The following FPGT variants were observed in gnomAD, a reference collection of about 807,000 sequenced individuals.
FPGT encodes fucose-1-phosphate guanylyltransferase, also known as GDP-L-fucose diphosphorylase.
A neutral mutation model predicts 45.8 loss-of-function variants in FPGT; 41 were observed. The observed-to-expected ratio is 0.90, with a 90% CI of 0.70 to 1.16. The LOEUF is 1.16. FPGT is among the 50% of genes most tolerant of loss of function. The pLI, the probability that FPGT is intolerant of heterozygous loss-of-function variation, is 0.00. For missense variants in FPGT, 755 were observed against 689.1 expected (o/e 1.10, Z -1.07); for synonymous variants, 292 against 247.2 (o/e 1.18, Z -1.70).
chr1:74,202,433 T>C (rs1386308289), intron 3 of FPGT, among the ~76,000 whole-genome samples: 1 of 152,188 alleles, frequency 6.6e-6, no homozygotes, highest in Non-Finnish European at 1.5e-5. Context: ...AATTTACAAT[T>C]TTATTTAAGA....
Position 74,205,415 on chromosome 1 carries a change from A to C in FPGT, c.1368A>C (p.Leu456Phe). Residue 456 changes from leucine (L) to phenylalanine (F), a missense_variant, in exon 4 of 4, where the codon TTA becomes TTC. Leu to Phe is a conservative substitution (Grantham distance 22, BLOSUM62 0). Coordinates refer to ENST00000370898, the MANE Select transcript of FPGT (RefSeq NM_003838.5). ...ALPAHSFVCSLSLKMNRCLKY... is the reference protein window; with the variant it reads ...ALPAHSFVCSFSLKMNRCLKY... ...CCGCACATTCTTTTGTATGTTCCTTAAGCTTAAAGATGAATAGATGCTTAA... is the reference window on the plus strand; with the variant it reads ...CCGCACATTCTTTTGTATGTTCCTTCAGCTTAAAGATGAATAGATGCTTAA... 1 of 1,613,940 alleles carries C rather than the reference A, an allele frequency of 6.2e-7. No homozygotes were observed. The highest frequency in any genetic ancestry group is 8.5e-7 in the Non-Finnish European group (1 of 1,179,816).
intron 2 of FPGT, among the ~76,000 whole-genome samples, chr1:74,201,026 A>G (rs1401522915): frequency 2.0e-5 from 3 of 152,202 alleles, no homozygotes; most frequent in Non-Finnish European, 4.4e-5. Flanking sequence ...TTCTAGTGTT[A>G]CAGATTGTGT....
At chr1:74,200,368 T>G (rs943317531) in intron 2 of FPGT, among the ~76,000 whole-genome samples, 2 of 152,312 alleles carry the variant, frequency 1.3e-5, no homozygotes, top group Non-Finnish European at 2.9e-5. Context: ...TATGTGATAC[T>G]TAAAGTTGAA....
chr1:74,198,468 G>T, intron 1 of FPGT, 108 bp downstream of exon 1: 1 of 1,459,102 alleles, frequency 6.9e-7, no homozygotes, highest in Non-Finnish European at 9.4e-7. Context: ...TCATCTGTAG[G>T]CCTATGACGC....
chr1:74,205,355 T>C lies in FPGT; in HGVS notation c.1308T>C (p.Ile436=). The C allele has an allele frequency of 1.2e-6, 2 of 1,614,166 alleles. No individual in the cohort carries two copies. The highest frequency in any genetic ancestry group is 1.7e-6 in the Non-Finnish European group (2 of 1,180,002). ...TTTCAGTTGGGGAAAACTGCATTATTAGTGGTTCTTACATCCTAACAAAAG... is the reference window on the plus strand; with the variant it reads ...TTTCAGTTGGGGAAAACTGCATTATCAGTGGTTCTTACATCCTAACAAAAG... The part of the protein sequence containing the change: ...PDVSVGENCI[I]SGSYILTKAA... The change falls in exon 4 of 4, where the codon ATT becomes ATC. Residue 436 remains isoleucine (I), a synonymous_variant. Transcript: ENST00000370898.
Position 74,199,749 on chromosome 1 carries a change from G to C in FPGT, c.168G>C (p.Gln56His). Residue 56 changes from glutamine (Q) to histidine (H), a missense_variant, in exon 2 of 4, where the codon CAG becomes CAC. Physicochemically the swap from Gln to His is conservative, Grantham distance 24. Coordinates refer to ENST00000370898, the MANE Select transcript of FPGT (RefSeq NM_003838.5). ...AACAGGAACTTGCTTACAACCAACA[G>C]CTGTCAGAAAAGCTGAAAAGAAAGG... ...DEKQELAYNQ[Q>H]LSEKLKRKEL... 1 of 1,614,118 alleles carries C rather than the reference G, an allele frequency of 6.2e-7. No homozygotes were observed. The highest frequency in any genetic ancestry group is 1.7e-5 in the Admixed American group (1 of 60,018).
At chr1:74,199,908 C>T in intron 2 of FPGT, 77 bp downstream of exon 2, 1 of 1,512,852 alleles carries the variant, frequency 6.6e-7, no homozygotes, top group Non-Finnish European at 8.9e-7. Flanking sequence ...CTGTGACTTA[C>T]AGTGTATAAG....
chr1:74,198,924 A>G (rs1358576977), intron 1 of FPGT, among the ~76,000 whole-genome samples: 2 of 152,266 alleles, frequency 1.3e-5, no homozygotes, highest in Non-Finnish European at 2.9e-5. Flanking sequence ...TGCTTAAAAA[A>G]TACTGGGACT....
Position 74,204,806 on chromosome 1 carries a change from T to G in FPGT, c.759T>G (p.Phe253Leu), listed in dbSNP as rs748147219. ...CRPGNFCQQDFAGGDIADLKL... is the reference protein window; with the variant it reads ...CRPGNFCQQDLAGGDIADLKL... ...CTGGAAATTTTTGTCAACAGGACTT[T>G]GCTGGGGGTGACATTGCCGATCTTA... Residue 253 changes from phenylalanine to leucine, a missense_variant, in exon 4 of 4, where the codon TTT becomes TTG. Phe to Leu is a conservative substitution (Grantham distance 22). Transcript: ENST00000370898. The G allele has an allele frequency of 6.2e-7, 1 of 1,613,794 alleles. No individual in the cohort carries two copies. Among genetic ancestry groups the G allele is most frequent in the Non-Finnish European group, 8.5e-7 (1 of 1,179,934 alleles).
At position 74,204,877 on chromosome 1, in the gene FPGT, A is replaced by C. The variant is rs1301945379; in HGVS notation, c.830A>C (p.Asp277Ala). 5 of 1,613,660 alleles carry C rather than the reference A, an allele frequency of 3.1e-6. No homozygotes were observed. The highest frequency in any genetic ancestry group is 3.4e-6 in the Non-Finnish European group (4 of 1,179,954). The stretch of plus-strand genomic sequence containing the variant: ...TACACAGATAGCCTATTTTATATGG[A>C]TCATAAATCAGCAAAAATGTTACTT... ...YVYTDSLFYM[D>A]HKSAKMLLAF... Residue 277 changes from aspartate (D) to alanine (A), a missense_variant, in exon 4 of 4, where the codon GAT becomes GCT. By Grantham distance (126) the Asp-to-Ala change is moderately radical. Transcript: ENST00000370898.
At chr1:74,203,290 C>G (rs1651964362) in intron 3 of FPGT, among the ~76,000 whole-genome samples, 1 of 152,076 alleles carries the variant, frequency 6.6e-6, no homozygotes, top group Non-Finnish European at 1.5e-5. Context: ...ATGGGACAAC[C>G]TATGTATATG....
chr1:74,200,450 A>G (rs1252908897), intron 2 of FPGT, among the ~76,000 whole-genome samples: 18 of 152,024 alleles, frequency 1.2e-4, no homozygotes, highest in Admixed American at 1.2e-3. Flanking sequence ...TAATTAGCCA[A>G]CATTATTTTA....
In FPGT at chr1:74,205,295, C is replaced by T. The variant is rs1212308496; in HGVS notation, c.1248C>T (p.Gly416=). Reference sequence around the variant, plus strand: ...ATTCAAGATGTTCTGTGGCACCTGGCTCAGTTGTGGAGTATTCCAGATTGG... The same window carrying T: ...ATTCAAGATGTTCTGTGGCACCTGGTTCAGTTGTGGAGTATTCCAGATTGG... ...ILDSRCSVAP[G]SVVEYSRLGP... is the part of the protein sequence containing the mutation. Residue 416 remains glycine (G), a synonymous_variant, in exon 4 of 4, where the codon GGC becomes GGT. Coordinates refer to ENST00000370898, the MANE Select transcript of FPGT (RefSeq NM_003838.5). The T allele has an allele frequency of 1.2e-6, 2 of 1,614,066 alleles. No homozygotes were observed. Among genetic ancestry groups the T allele is most frequent in the Non-Finnish European group, 1.7e-6 (2 of 1,179,930 alleles).
rs1652240983 is a variant in FPGT at position 74,205,802 on chromosome 1, A to C, written c.1755A>C (p.Leu585=). ...TAACTTACAGGGAACAAATTTTTCT[A>C]GAAATCAGTTTAAAAAGCAGTTTGA... ...DMITYREQIF[L]EISLKSSLM Residue 585 remains leucine, a synonymous_variant, in exon 4 of 4, where the codon CTA becomes CTC. Transcript: ENST00000370898. The C allele has an allele frequency of 6.4e-7, 1 of 1,567,452 alleles. No individual in the cohort carries two copies. The highest frequency in any genetic ancestry group is 2.2e-5 in the East Asian group (1 of 44,534).
rs1652469597 is a variant in FPGT at position 74,208,603 on chromosome 1, G to A, written c.*2771G>A. Among the ~76,000 whole-genome samples, 1 of 151,964 alleles carries A rather than the reference G, an allele frequency of 6.6e-6. No individual in the cohort carries two copies. Among genetic ancestry groups the A allele is most frequent in the African/African-American group, 2.4e-5 (1 of 41,378 alleles). ...AGGGCATGGGAAAAATTCAACATTT[G>A]ATAATAATCTTTTACCTTAGGCATT... On this transcript the variant is annotated 3_prime_UTR_variant, in exon 4 of 4. Coordinates refer to ENST00000370898, the MANE Select transcript of FPGT (RefSeq NM_003838.5).
chr1:74,201,562 A>C lies in FPGT; in HGVS notation c.343+152A>C, dbSNP rs1307517749. 36 of 594,238 alleles carry C rather than the reference A, an allele frequency of 6.1e-5. No homozygotes were observed. In the East Asian group the frequency reaches 1.1e-3, roughly 18 times the overall value. The allele number at this position is 594,238 out of a possible 1,614,324, so 36.8% of individuals were successfully genotyped here. On this transcript the variant is annotated intron_variant, in intron 3 of 3. Coordinates refer to ENST00000370898, the MANE Select transcript of FPGT (RefSeq NM_003838.5). ...TGAAAACAAATATTTTATGATTTTCATGACTTTTTTTAGGTTGTAAGTAGT... is the reference window on the plus strand; with the variant it reads ...TGAAAACAAATATTTTATGATTTTCCTGACTTTTTTTAGGTTGTAAGTAGT...
At chr1:74,199,599 C>T (rs1651576281) in intron 1 of FPGT, 65 bp from the exon 2 acceptor site, 3 of 1,545,736 alleles carry the variant, frequency 1.9e-6, no homozygotes, top group African/African-American at 2.7e-5. Context: ...TCTCAATAGG[C>T]AAACCTGTGG....
In FPGT at chr1:74,198,269, A is replaced by G. The variant is rs748674628; in HGVS notation, c.-10A>G. 6.8e-6 allele frequency: 11 copies of G among 1,613,386 alleles called. No individual in the cohort carries two copies. In the Admixed American group the frequency reaches 8.3e-5, roughly 12 times the overall value. On this transcript the variant is annotated 5_prime_UTR_variant, in exon 1 of 4. Coordinates refer to ENST00000370898, the MANE Select transcript of FPGT (RefSeq NM_003838.5). ...GTGCTGTGCGGCGCGGTCTCAGGGAAGGTGGGGCTATGGCAGCTGCTAGGG... is the reference window on the plus strand; with the variant it reads ...GTGCTGTGCGGCGCGGTCTCAGGGAGGGTGGGGCTATGGCAGCTGCTAGGG...
In FPGT at chr1:74,208,214, A is replaced by G. The variant is rs1652435150; in HGVS notation, c.*2382A>G. 6.6e-6 allele frequency among the ~76,000 whole-genome samples: 1 copy of G among 151,806 alleles called. No individual in the cohort carries two copies. Among genetic ancestry groups the G allele is most frequent in the Non-Finnish European group, 1.5e-5 (1 of 67,922 alleles). On this transcript the variant is annotated 3_prime_UTR_variant, in exon 4 of 4. Transcript: ENST00000370898. The stretch of plus-strand genomic sequence containing the variant: ...TGATTCTAACCTAAGTATGTGTTTT[A>G]ATAAAAGGATCTAGGCAAAAAAAAA...
Sources: gnomAD v4.1 joint callset for allele counts (sites outside exome capture counted in the v4.1 genomes callset) on GRCh38, gnomAD v4.1.1 for gene constraint, MANE v1.5 for transcripts, NCBI Gene and HGNC (gene_info 2026-07-23, HGNC 2026-07-21) for gene names.